NECTIN3: variants seen among roughly 807,000 people sequenced by gnomAD.
NECTIN3 encodes the protein nectin cell adhesion molecule 3.
In NECTIN3, 8 loss-of-function variants were observed where a neutral mutation model predicts 49.4. The observed-to-expected ratio is 0.16, with a 90% CI of 0.10 to 0.29. The LOEUF is 0.29. Ranked by LOEUF, NECTIN3 falls within the 10% of genes least tolerant of loss-of-function variation. NECTIN3 has a pLI of 1.00. For synonymous variants in NECTIN3, 277 were observed against 241.1 expected (o/e 1.15, Z -1.38); for missense variants, 581 against 654.6 (o/e 0.89, Z 1.23).
chr3:111,168,516 T>G (rs1185248480), intron 7 of NECTIN3, among the ~76,000 whole-genome samples: 3 of 152,156 alleles, frequency 2.0e-5, no homozygotes, highest in African/African-American at 7.2e-5. Context: ...TTCTATCCTA[T>G]TAGAATACAG....
At chr3:111,146,530 G>T (rs1435585249) in intron 6 of NECTIN3, among the ~76,000 whole-genome samples, 1 of 151,620 alleles carries the variant, frequency 6.6e-6, no homozygotes, top group East Asian at 1.9e-4. Flanking sequence ...TTACTGGTAG[G>T]TTAACAAATT....
At chr3:111,175,329 C>T (rs1441332491) in intron 7 of NECTIN3, among the ~76,000 whole-genome samples, 2 of 151,742 alleles carry the variant, frequency 1.3e-5, no homozygotes, top group Admixed American at 1.3e-4. Context: ...TTTAGGGCCG[C>T]TGGTCTCCAG....
chr3:111,119,945 A>G (rs936628524), intron 3 of NECTIN3, among the ~76,000 whole-genome samples: 4 of 152,168 alleles, frequency 2.6e-5, no homozygotes, highest in African/African-American at 9.7e-5. Context: ...CACTTGGTGT[A>G]ATCATTTTTA....
chr3:111,134,518 G>C lies in NECTIN3; in HGVS notation c.*303G>C. On this transcript the variant is annotated 3_prime_UTR_variant, in exon 6 of 6. Coordinates refer to ENST00000485303, the MANE Select transcript of NECTIN3 (RefSeq NM_015480.3). ...TCAACATTAAATGTATGACTTACTTGGTACAAAAATTTTTTAAAAAGGGAA... is the reference window on the plus strand; with the variant it reads ...TCAACATTAAATGTATGACTTACTTCGTACAAAAATTTTTTAAAAAGGGAA... 1.0e-6 allele frequency: 1 copy of C among 1,004,000 alleles called. No individual in the cohort carries two copies. 62.2% of individuals were successfully genotyped at this position (1,004,000 alleles called of 1,614,324 possible).
chr3:111,173,121 G>GGTT (rs1553730631), intron 7 of NECTIN3, among the ~76,000 whole-genome samples: 1 of 151,906 alleles, frequency 6.6e-6, no homozygotes, highest in African/African-American at 2.4e-5. Flanking sequence ...ACCCTTTCTG[G>GGTT]GTCTGTTAGG....
chr3:111,166,183 A>C (rs1228731959), intron 7 of NECTIN3, among the ~76,000 whole-genome samples: 1 of 152,196 alleles, frequency 6.6e-6, no homozygotes, highest in Non-Finnish European at 1.5e-5. Context: ...TGGGCAAAGG[A>C]AGGCTGGAGA....
At position 111,134,479 on chromosome 3, in the gene NECTIN3, G is replaced by A. The variant is rs1367949179; in HGVS notation, c.*264G>A. On this transcript the variant is annotated 3_prime_UTR_variant, in exon 6 of 6. Coordinates refer to ENST00000485303, the MANE Select transcript of NECTIN3 (RefSeq NM_015480.3). ...GTACTTTATTGGTGTGAGGCACACA[G>A]GTAAGAAGAAATGTCAACATTAAAT... The A allele has an allele frequency of 1.3e-5, 14 of 1,085,712 alleles. No homozygotes were observed. In the South Asian group the frequency reaches 4.4e-4, roughly 34 times the overall value. 67.3% of individuals were successfully genotyped at this position (1,085,712 alleles called of 1,614,324 possible).
intron 1 of NECTIN3, among the ~76,000 whole-genome samples, chr3:111,192,784 G>A (rs2035836402): frequency 1.3e-5 from 2 of 152,140 alleles, no homozygotes. Context: ...CCGTTCCCCA[G>A]TTCCCCAGAG....
At chr3:111,191,365 G>C (rs188191414), upstream of NECTIN3, among the ~76,000 whole-genome samples, 2 of 152,104 alleles carry the variant, frequency 1.3e-5, no homozygotes, top group Non-Finnish European at 2.9e-5. Flanking sequence ...AGCACTCTCA[G>C]TCTGGATAAG....
rs138612392 is a variant in NECTIN3, at chr3:111,073,676, G to A, written c.160+1499G>A. ...TTGCTTACAGTTGAGTGAGAGGACAGTTGGAGGGGACCTTACCAGTTTACT... is the reference window on the plus strand; with the variant it reads ...TTGCTTACAGTTGAGTGAGAGGACAATTGGAGGGGACCTTACCAGTTTACT... On this transcript the variant is annotated intron_variant, in intron 1 of 5. Transcript: ENST00000485303. Among the ~76,000 whole-genome samples, 4 of 152,336 alleles carry A rather than the reference G, an allele frequency of 2.6e-5. No homozygotes were observed. The East Asian group carries it at 7.7e-4, about 29-fold the overall frequency.
At chr3:111,154,160 C>A (rs147499800) in intron 7 of NECTIN3, among the ~76,000 whole-genome samples, 2 of 152,108 alleles carry the variant, frequency 1.3e-5, no homozygotes, top group South Asian at 4.1e-4. Context: ...TAATCTCCCC[C>A]CTCTAGTCCT....
Position 111,147,380 on chromosome 3 carries a change from A to G in NECTIN3, c.1140-23A>G, listed in dbSNP as rs189966399. ...TTTTTTTCCTAAATGTGACAATCAC[A>G]TATTTTAACCTTTGCAATGCAGGAT... On this transcript the variant is annotated intron_variant, in intron 6 of 8. Coordinates refer to the NECTIN3 transcript ENST00000493615. 402 of 1,460,702 alleles carry G rather than the reference A, an allele frequency of 2.8e-4. No individual in the cohort carries two copies. The African/African-American group carries it at 5.1e-3, about 19-fold the overall frequency. 90.5% of individuals were successfully genotyped at this position (1,460,702 alleles called of 1,614,324 possible).
chr3:111,151,034 C>T (rs2034991464), intron 7 of NECTIN3, among the ~76,000 whole-genome samples: 1 of 151,820 alleles, frequency 6.6e-6, no homozygotes, highest in Non-Finnish European at 1.5e-5. Context: ...CTGTTGTAAA[C>T]TGTAAGCAGT....
chr3:111,090,126 T>C (rs2032174938), intron 1 of NECTIN3, among the ~76,000 whole-genome samples: 1 of 152,162 alleles, frequency 6.6e-6, no homozygotes, highest in Non-Finnish European at 1.5e-5. Context: ...AATCTTTCTG[T>C]GTCCTTAAAT....
chr3:111,096,406 G>A (rs776180668), intron 1 of NECTIN3, among the ~76,000 whole-genome samples: 4 of 152,314 alleles, frequency 2.6e-5, no homozygotes, highest in Middle Eastern at 3.4e-3. Flanking sequence ...TTTGCAGCTT[G>A]ACAATGTGAT....
intron 7 of NECTIN3, among the ~76,000 whole-genome samples, chr3:111,184,113 A>G (rs1434923087): frequency 6.6e-6 from 1 of 151,868 alleles, no homozygotes; most frequent in Admixed American, 6.6e-5. Context: ...TTCAGTGTCT[A>G]CTCTGCTACT....
chr3:111,077,107 A>G (rs1209787074), intron 1 of NECTIN3: 1 of 305,942 alleles, frequency 3.3e-6, no homozygotes, highest in East Asian at 8.3e-5. Context: ...GTCTAGATAT[A>G]GCCATATCGC....
chr3:111,111,736 C>T (rs1480691635), intron 1 of NECTIN3, among the ~76,000 whole-genome samples: 1 of 152,108 alleles, frequency 6.6e-6, no homozygotes, highest in Non-Finnish European at 1.5e-5. Flanking sequence ...TGGTCCTAAT[C>T]TAGTGCTTTT....
At chr3:111,148,096 C>T (rs995819570) in intron 7 of NECTIN3, among the ~76,000 whole-genome samples, 29 of 152,182 alleles carry the variant, frequency 1.9e-4, no homozygotes, top group African/African-American at 6.5e-4. Flanking sequence ...GTCTTTTTCT[C>T]TATCACCCAT....
Sources: allele counts gnomAD v4.1 joint callset (sites outside exome capture counted in the v4.1 genomes callset), GRCh38; gene constraint gnomAD v4.1.1; transcripts MANE v1.5; gene names NCBI Gene and HGNC (gene_info 2026-07-23, HGNC 2026-07-21).